The following SORBS2 variants were observed in gnomAD, a reference collection of about 807,000 sequenced individuals.
SORBS2 encodes the protein sorbin and SH3 domain-containing protein 2.
Under a neutral mutation model 97.7 loss-of-function variants are expected in SORBS2, and 46 were observed. That is an observed-to-expected ratio of 0.47 (90% confidence interval 0.37 to 0.60). The LOEUF (loss-of-function observed/expected upper bound fraction) is 0.60. SORBS2 is among the 20% of genes least tolerant of loss of function. The pLI is 0.00. For synonymous variants in SORBS2, 476 were observed against 473.4 expected, an observed-to-expected ratio of 1.01 and a Z score of -0.07; for missense variants, 1,316 against 1,282.3, an observed-to-expected ratio of 1.03 and a Z score of -0.40.
chr4:185,798,693 C>T (rs902890814), intron 1 of SORBS2, among the ~76,000 whole-genome samples: 3 of 152,138 alleles, frequency 2.0e-5, no homozygotes, highest in Non-Finnish European at 1.5e-5. Flanking sequence ...CTTAATTAAG[C>T]TGTATGCAAC....
At chr4:185,614,995 G>C (rs370979322) in intron 10 of SORBS2, 36 bp from the exon 23 acceptor site, 2 of 1,614,006 alleles carry the variant, frequency 1.2e-6, no homozygotes, top group East Asian at 4.5e-5. Flanking sequence ...TCAAATCTGC[G>C]GTGACCTTTG....
chr4:185,848,518 T>C (rs1196972782), intron 1 of SORBS2, among the ~76,000 whole-genome samples: 4 of 151,972 alleles, frequency 2.6e-5, no homozygotes, highest in African/African-American at 9.7e-5. Flanking sequence ...AGGTAAACTT[T>C]TAAAAAAGTC....
chr4:185,636,758 C>G (rs2097013280), intron 4 of SORBS2, among the ~76,000 whole-genome samples: 1 of 151,820 alleles, frequency 6.6e-6, no homozygotes, highest in Non-Finnish European at 1.5e-5. Flanking sequence ...AAGCGATTCT[C>G]CTGCCTCGGT....
rs191118985 is a variant in SORBS2, at chr4:185,784,308, T to A, written c.-337-8942A>T. ...CACCACTCCCGGCTAATTTTTTGTA[T>A]TTTAGTAGAGACGGCATTTCACTAT... On this transcript the variant is annotated intron_variant, in intron 1 of 20. Transcript: ENST00000284776. 3.7e-3 allele frequency among the ~76,000 whole-genome samples: 568 copies of A among 152,254 alleles called. 3 individuals carry two copies. Among genetic ancestry groups the A allele is most frequent in the African/African-American group, 0.013 (524 of 41,562 alleles).
At chr4:185,911,510 C>T (rs1057169449) in intron 1 of SORBS2, among the ~76,000 whole-genome samples, 1 of 152,138 alleles carries the variant, frequency 6.6e-6, no homozygotes, top group African/African-American at 2.4e-5. Context: ...TAAGCATGAG[C>T]CACCACGCCC....
intron 2 of SORBS2, among the ~76,000 whole-genome samples, chr4:185,737,289 G>C (rs2098693596): frequency 2.0e-5 from 3 of 152,156 alleles, no homozygotes. Flanking sequence ...CCCAGGCCTG[G>C]CTGCAGGAGA....
At position 185,800,649 on chromosome 4, in the gene SORBS2, C is replaced by G. The variant is rs891843190; in HGVS notation, c.-337-25283G>C. 3.3e-5 allele frequency among the ~76,000 whole-genome samples: 5 copies of G among 152,240 alleles called. No individual in the cohort carries two copies. In the South Asian group the frequency reaches 6.2e-4, roughly 19 times the overall value. ...GGGCTGTGCATGGGCTTAGCTCTTTCTTCATTTCTCTCCCTCTCTCCTCTT... is the reference window on the plus strand; with the variant it reads ...GGGCTGTGCATGGGCTTAGCTCTTTGTTCATTTCTCTCCCTCTCTCCTCTT... On this transcript the variant is annotated intron_variant, in intron 1 of 20. Coordinates refer to the SORBS2 transcript ENST00000284776.
Position 185,615,140 on chromosome 4 carries a change from C to G in SORBS2, c.2371G>C (p.Gly791Arg). 1.9e-6 allele frequency: 3 copies of G among 1,610,106 alleles called. No homozygotes were observed. In the African/African-American group the frequency reaches 4.0e-5, roughly 21 times the overall value. The change falls in exon 10 of 15, where the codon GGA (glycine) becomes CGA (arginine). Residue 791 changes from glycine (G) to arginine (R), a missense_variant. Physicochemically the swap from Gly to Arg is moderately radical, Grantham distance 125 (BLOSUM62 -2). Coordinates refer to ENST00000418609, the Ensembl canonical transcript of SORBS2. ...TTCCTGAGGATGTAGACAGTATCTC[C>G]TTTCTTAAATGACAACTCCCTGGAA...
intron 4 of SORBS2, among the ~76,000 whole-genome samples, chr4:185,671,333 A>G (rs1363544298): frequency 1.3e-5 from 2 of 152,340 alleles, no homozygotes; most frequent in East Asian, 3.9e-4. Flanking sequence ...AAAGTGTCAT[A>G]TTTTAAGAAC....
chr4:185,638,161 G>T, intron 4 of SORBS2: 1 of 1,591,720 alleles, frequency 6.3e-7, no homozygotes, highest in South Asian at 1.1e-5. Flanking sequence ...TATGCGATCA[G>T]TCTAGAGCAG....
chr4:185,642,836 A>T (rs1179224571), intron 4 of SORBS2, among the ~76,000 whole-genome samples: 1 of 152,190 alleles, frequency 6.6e-6, no homozygotes, highest in Non-Finnish European at 1.5e-5. Flanking sequence ...GTCACTACTA[A>T]TAGCAGTGTG....
intron 2 of SORBS2, among the ~76,000 whole-genome samples, chr4:185,723,014 T>G (rs1352571663): frequency 6.6e-6 from 1 of 152,134 alleles, no homozygotes; most frequent in Non-Finnish European, 1.5e-5. Context: ...CATCTGTATA[T>G]GGGGATAACT....
chr4:185,879,649 G>A (rs1561262727), intron 1 of SORBS2, among the ~76,000 whole-genome samples: 2 of 152,082 alleles, frequency 1.3e-5, no homozygotes, highest in Admixed American at 6.6e-5. Context: ...GTGTAAAAGT[G>A]TTCCTATTTC....
intron 1 of SORBS2, among the ~76,000 whole-genome samples, chr4:185,922,176 T>C (rs926892918): frequency 6.6e-6 from 1 of 152,250 alleles, no homozygotes; most frequent in African/African-American, 2.4e-5. Flanking sequence ...CAGTCGTGGT[T>C]AGCATAACTA....
chr4:185,614,582 G>A (rs901637129), intron 11 of SORBS2: 2 of 436,892 alleles, frequency 4.6e-6, no homozygotes, highest in African/African-American at 2.0e-5. Flanking sequence ...CCCCATGCCC[G>A]GCTTCCCAGA....
At chr4:185,906,995 G>A (rs1482333842) in intron 1 of SORBS2, among the ~76,000 whole-genome samples, 4 of 152,102 alleles carry the variant, frequency 2.6e-5, no homozygotes, top group African/African-American at 9.7e-5. Flanking sequence ...AATTAGCAGG[G>A]TGTGGTGGTG....
chr4:185,629,564 G>GTTTTT (rs397880846), intron 5 of SORBS2, among the ~76,000 whole-genome samples: 1 of 135,720 alleles, frequency 7.4e-6, no homozygotes, highest in African/African-American at 2.8e-5. Context: ...TTTGTGATTT[G>GTTTTT]TTTTTTTTTT....
intron 2 of SORBS2, among the ~76,000 whole-genome samples, chr4:185,737,578 C>T (rs1166124266): frequency 6.6e-6 from 1 of 152,106 alleles, no homozygotes; most frequent in Non-Finnish European, 1.5e-5. Flanking sequence ...CATGAGAGCT[C>T]GGAGACCCTG....
At chr4:185,853,570 A>G (rs1006242137) in intron 1 of SORBS2, among the ~76,000 whole-genome samples, 5 of 152,194 alleles carry the variant, frequency 3.3e-5, no homozygotes, top group Non-Finnish European at 7.4e-5. Flanking sequence ...CCTTCTGCCC[A>G]GTTTTGGGGA....
Sources: gnomAD v4.1 joint callset for allele counts (sites outside exome capture counted in the v4.1 genomes callset) on GRCh38, gnomAD v4.1.1 for gene constraint, MANE v1.5 for transcripts, NCBI Gene and HGNC (gene_info 2026-07-23, HGNC 2026-07-21) for gene names.